Variants in ACLY observed in about 807,000 individuals in gnomAD.
ACLY encodes ATP-citrate synthase.
In ACLY, 41 loss-of-function variants were observed where a neutral mutation model predicts 133.0. The ratio of observed to expected loss-of-function variants is 0.31; its 90% CI spans 0.24 to 0.40. ACLY has a LOEUF of 0.40. ACLY is among the 10% of genes least tolerant of loss of function. The pLI is 1.00. For synonymous variants in ACLY, 495 were observed against 549.3 expected (o/e 0.90, Z 1.38); for missense variants, 1,046 against 1,453.8 (o/e 0.72, Z 4.56).
Position 41,887,127 on chromosome 17 carries a change from G to GAAAAAAAAAAA in ACLY, c.1875+461_1875+471dup, listed in dbSNP as rs535668437. ...TAACAGGGCAAGACTCCGTCTCAAA[G>GAAAAAAAAAAA]AAAAAAAAAAAAAAAAAAAAAAAAA... On this transcript the variant is annotated intron_variant, in intron 17 of 28. Transcript: ENST00000352035. Among the ~76,000 whole-genome samples the GAAAAAAAAAAA allele has an allele frequency of 3.8e-4, 42 of 110,368 alleles. 4 individuals carry two copies. The highest frequency in any genetic ancestry group is 1.4e-3 in the African/African-American group (35 of 25,004). 72.4% of individuals were successfully genotyped at this position (110,368 alleles called of 152,430 possible).
intron 28 of ACLY, 21 bp downstream of exon 28, chr17:41,868,688 A>G (rs782205154): frequency 1.9e-6 from 3 of 1,609,682 alleles, no homozygotes; most frequent in Non-Finnish European, 1.7e-6. Flanking sequence ...AAACACTTAA[A>G]ACAACAACGA....
chr17:41,924,865 T>C (rs1458592876), intron 1 of ACLY, among the ~76,000 whole-genome samples: 3 of 151,984 alleles, frequency 2.0e-5, no homozygotes, highest in Non-Finnish European at 4.4e-5. Context: ...CCCCACTCCA[T>C]TCTGACTCTC....
intron 22 of ACLY, among the ~76,000 whole-genome samples, chr17:41,876,952 G>T (rs2048776972): frequency 6.6e-6 from 1 of 151,892 alleles, no homozygotes. Context: ...AGAAATGGGG[G>T]AGCCCTTCAA....
At chr17:41,911,662 T>C (rs1040320966) in intron 3 of ACLY, among the ~76,000 whole-genome samples, 2 of 151,030 alleles carry the variant, frequency 1.3e-5, no homozygotes, top group African/African-American at 4.9e-5. Flanking sequence ...AAAAAAATGT[T>C]AAAAAGCAGC....
At chr17:41,868,052 G>A (rs2048506793) in intron 28 of ACLY, 148 bp from the exon 29 acceptor site, 1 of 466,162 alleles carries the variant, frequency 2.1e-6, no homozygotes. Context: ...ATAGGTAGAT[G>A]AGGCGGACTT....
chr17:41,910,790 C>T (rs1243711703), intron 3 of ACLY, among the ~76,000 whole-genome samples: 1 of 152,310 alleles, frequency 6.6e-6, no homozygotes, highest in Non-Finnish European at 1.5e-5. Context: ...GCCTGCAGAG[C>T]TAATCAGTTC....
intron 3 of ACLY, 113 bp from the exon 4 acceptor site, chr17:41,910,397 C>T: frequency 1.2e-6 from 1 of 859,878 alleles, no homozygotes; most frequent in Non-Finnish European, 1.8e-6. Context: ...CCACACCCAG[C>T]AAAGAGAGAT....
chr17:41,868,679 AAC>A, intron 28 of ACLY, 28 bp downstream of exon 28: 2 of 1,602,234 alleles, frequency 1.2e-6, no homozygotes, highest in African/African-American at 1.3e-5. Flanking sequence ...TTTAAAAAAA[AAC>A]ACTTAAAACA....
At chr17:41,906,673 C>T in intron 7 of ACLY, 27 bp from the exon 8 acceptor site, 8 of 1,601,044 alleles carry the variant, frequency 5.0e-6, no homozygotes, top group South Asian at 1.1e-5. Context: ...AACAGGTAGG[C>T]CCTTGGGGTA....
chr17:41,918,504 G>A (rs1270450453), intron 1 of ACLY, among the ~76,000 whole-genome samples: 7 of 152,234 alleles, frequency 4.6e-5, no homozygotes, highest in African/African-American at 1.7e-4. Context: ...GGGGGAACCC[G>A]GATGGAGCCA....
intron 18 of ACLY, among the ~76,000 whole-genome samples, chr17:41,885,651 T>C (rs2049028669): frequency 1.3e-5 from 2 of 152,208 alleles, no homozygotes; most frequent in South Asian, 4.1e-4. Context: ...TTACAATTCA[T>C]TTATTCCTCC....
At position 41,867,151 on chromosome 17, in the gene ACLY, A is replaced by C. The variant is rs1030057617; in HGVS notation, c.*659T>G. On this transcript the variant is annotated 3_prime_UTR_variant, in exon 29 of 29. Coordinates refer to ENST00000352035, the MANE Select transcript of ACLY (RefSeq NM_001096.3). ...CCATTTTAAATGTATGTATGTTACA[A>C]CTTTACATATTAAGTTACTACTCCA... The C allele has an allele frequency of 1.3e-5, 2 of 152,666 alleles. No homozygotes were observed. Among genetic ancestry groups the C allele is most frequent in the East Asian group, 3.8e-4 (2 of 5,204 alleles). The allele number at this position is 152,666 out of a possible 1,614,324, so 9.5% of individuals were successfully genotyped here.
At chr17:41,917,584 G>A (rs536852478) in intron 1 of ACLY, among the ~76,000 whole-genome samples, 1 of 152,290 alleles carries the variant, frequency 6.6e-6, no homozygotes, top group Admixed American at 6.5e-5. Context: ...TACTAAGGGT[G>A]CCTCTGGGAA....
intron 22 of ACLY, among the ~76,000 whole-genome samples, chr17:41,876,983 C>T (rs534423009): frequency 5.3e-5 from 8 of 151,912 alleles, no homozygotes; most frequent in African/African-American, 1.7e-4. Context: ...ACCCAGGGGA[C>T]GGGGACTGAA....
At chr17:41,873,586 G>A (rs2048655301) in intron 23 of ACLY, among the ~76,000 whole-genome samples, 1 of 152,192 alleles carries the variant, frequency 6.6e-6, no homozygotes, top group African/African-American at 2.4e-5. Context: ...GCTGTCAAGA[G>A]ATCTGCATTT....
In ACLY at chr17:41,874,559, C is replaced by T. The variant is rs556918374; in HGVS notation, c.2488-594G>A. On this transcript the variant is annotated intron_variant, in intron 22 of 28. Transcript: ENST00000352035. Reference sequence around the variant, plus strand: ...AAGTGCTGGGATTACAGGCGTGAGACCCAGTCCATTGCTTCTTTTTTTTTT... The same window carrying T: ...AAGTGCTGGGATTACAGGCGTGAGATCCAGTCCATTGCTTCTTTTTTTTTT... Among the ~76,000 whole-genome samples, 24 of 151,160 alleles carry T rather than the reference C, an allele frequency of 1.6e-4. 1 individual carries two copies. In the South Asian group the frequency reaches 5.0e-3, roughly 32 times the overall value.
At chr17:41,906,789 C>T (rs183125368) in intron 7 of ACLY, 143 bp from the exon 8 acceptor site, 2 of 725,408 alleles carry the variant, frequency 2.8e-6, no homozygotes, top group East Asian at 2.5e-5. Context: ...CAGGGCCCCA[C>T]ATGCCTTGAA....
intron 23 of ACLY, 109 bp downstream of exon 23, chr17:41,873,702 A>T (rs1372362815): frequency 3.2e-6 from 4 of 1,265,792 alleles, no homozygotes; most frequent in Non-Finnish European, 3.1e-6. Flanking sequence ...GGCCCCAAAG[A>T]TTGATCTTGG....
intron 17 of ACLY, 25 bp downstream of exon 17, chr17:41,887,574 A>G: frequency 1.9e-6 from 3 of 1,604,542 alleles, no homozygotes; most frequent in Non-Finnish European, 2.6e-6. Flanking sequence ...TCGAACGTAA[A>G]AGGCTTTCCG....
Sources: gnomAD v4.1 joint callset for allele counts (sites outside exome capture counted in the v4.1 genomes callset) on GRCh38, gnomAD v4.1.1 for gene constraint, MANE v1.5 for transcripts, NCBI Gene and HGNC (gene_info 2026-07-23, HGNC 2026-07-21) for gene names.